The following WWOX variants were observed in gnomAD, a reference collection of about 807,000 sequenced individuals.
WWOX encodes the protein WW domain-containing oxidoreductase.
Under a neutral mutation model 46.2 loss-of-function variants are expected in WWOX, and 69 were observed. That is an observed-to-expected ratio of 1.49 (90% CI 1.23 to 1.82). The LOEUF is 1.82. WWOX is among the 40% of genes most tolerant of loss of function. WWOX has a pLI of 0.00. For missense variants in WWOX, 919 were observed against 542.6 expected (o/e 1.69, Z -6.89); for synonymous variants, 359 against 202.6 (o/e 1.77, Z -6.56).
chr16:78,569,531 T>C (rs1390543045), intron 8 of WWOX, among the ~76,000 whole-genome samples: 1 of 152,224 alleles, frequency 6.6e-6, no homozygotes, highest in East Asian at 1.9e-4. Flanking sequence ...TTTTTGTACA[T>C]ATATGATTAT....
chr16:79,056,510 G>C lies in WWOX; in HGVS notation c.1057-155098G>C, dbSNP rs77683318. Among the ~76,000 whole-genome samples, 658 of 152,294 alleles carry C rather than the reference G, an allele frequency of 4.3e-3. 4 individuals are homozygous for C. The highest frequency in any genetic ancestry group is 0.015 in the African/African-American group (632 of 41,550). On this transcript the variant is annotated intron_variant, in intron 8 of 8. Coordinates refer to ENST00000566780, the MANE Select transcript of WWOX (RefSeq NM_016373.4). ...AGCTTATTCATTTAACTTGAGTACAGGGTTTCTCAAGCTTTGGCACTGCCA... is the reference window on the plus strand; with the variant it reads ...AGCTTATTCATTTAACTTGAGTACACGGTTTCTCAAGCTTTGGCACTGCCA...
At chr16:78,555,585 C>CA (rs1555562586) in intron 8 of WWOX, among the ~76,000 whole-genome samples, 3 of 141,018 alleles carry the variant, frequency 2.1e-5, no homozygotes, top group Non-Finnish European at 4.6e-5. Flanking sequence ...AGGAGTGCCA[C>CA]TTTTTTTTTT....
At chr16:78,949,846 C>G (rs781556699) in intron 8 of WWOX, among the ~76,000 whole-genome samples, 8 of 152,216 alleles carry the variant, frequency 5.3e-5, no homozygotes, top group Admixed American at 2.0e-4. Context: ...ACATGTCACT[C>G]CACATCTTTG....
At chr16:78,641,221 A>C (rs574064212) in intron 8 of WWOX, among the ~76,000 whole-genome samples, 6 of 152,046 alleles carry the variant, frequency 3.9e-5, no homozygotes, top group African/African-American at 9.7e-5. Flanking sequence ...TTCAGGTCTA[A>C]GTTTCCCCCA....
At chr16:78,702,019 A>G (rs528443818) in intron 8 of WWOX, among the ~76,000 whole-genome samples, 7 of 117,150 alleles carry the variant, frequency 6.0e-5, no homozygotes, top group African/African-American at 2.8e-4. Flanking sequence ...ATATATATAT[A>G]TATATATATA....
intron 8 of WWOX, chr16:78,896,095 T>A (rs2044694408): frequency 6.6e-6 from 1 of 152,208 alleles, no homozygotes; most frequent in African/African-American, 2.4e-5. Flanking sequence ...ATGCAGGCAA[T>A]TGATCTTTAA....
chr16:79,081,466 A>T (rs2048759209), intron 8 of WWOX, among the ~76,000 whole-genome samples: 1 of 152,298 alleles, frequency 6.6e-6, no homozygotes, highest in African/African-American at 2.4e-5. Context: ...ATCCTCATTA[A>T]GCCATCTGCT....
intron 8 of WWOX, among the ~76,000 whole-genome samples, chr16:78,864,341 A>G (rs1005230262): frequency 6.6e-6 from 1 of 151,024 alleles, no homozygotes; most frequent in Non-Finnish European, 1.5e-5. Flanking sequence ...GTCATGGTTC[A>G]CTGCAGCCTC....
intron 8 of WWOX, among the ~76,000 whole-genome samples, chr16:78,716,432 G>T (rs2048562548): frequency 6.6e-6 from 1 of 152,082 alleles, no homozygotes; most frequent in Non-Finnish European, 1.5e-5. Flanking sequence ...CAACCCTAGG[G>T]ATGAATGCTC....
chr16:78,820,437 A>G (rs2051462895), intron 8 of WWOX, among the ~76,000 whole-genome samples: 1 of 152,138 alleles, frequency 6.6e-6, no homozygotes, highest in Admixed American at 6.5e-5. Flanking sequence ...TCATTTTCCC[A>G]TCCTTAAATA....
chr16:78,475,914 G>A (rs1228777417), intron 8 of WWOX, among the ~76,000 whole-genome samples: 1 of 152,144 alleles, frequency 6.6e-6, no homozygotes, highest in African/African-American at 2.4e-5. Flanking sequence ...TGGACAAAGA[G>A]GTATTAAAGA....
intron 8 of WWOX, among the ~76,000 whole-genome samples, chr16:78,531,511 T>G (rs1400958284): frequency 6.6e-6 from 1 of 152,162 alleles, no homozygotes; most frequent in Non-Finnish European, 1.5e-5. Context: ...TTCTTTTAGT[T>G]TCTCTTACAT....
intron 8 of WWOX, among the ~76,000 whole-genome samples, chr16:78,931,663 A>G (rs1224322861): frequency 2.6e-5 from 4 of 152,246 alleles, no homozygotes; most frequent in African/African-American, 4.8e-5. Context: ...GGAGTCATCT[A>G]CAGATCTGCC....
intron 6 of WWOX, among the ~76,000 whole-genome samples, chr16:78,400,412 A>C (rs2082384440): frequency 6.6e-6 from 1 of 152,150 alleles, no homozygotes; most frequent in Non-Finnish European, 1.5e-5. Flanking sequence ...TGGCTGTGTG[A>C]GGAATCAGCT....
intron 5 of WWOX, among the ~76,000 whole-genome samples, chr16:78,203,559 C>T (rs2036298620): frequency 6.6e-6 from 1 of 152,048 alleles, no homozygotes; most frequent in East Asian, 1.9e-4. Context: ...TATAATTAGG[C>T]AAACTTGTTT....
intron 8 of WWOX, among the ~76,000 whole-genome samples, chr16:79,047,966 G>T (rs142234111): frequency 3.9e-5 from 6 of 152,162 alleles, no homozygotes; most frequent in South Asian, 2.1e-4. Flanking sequence ...AGGAGTTGCA[G>T]GAAGGAGAAT....
chr16:78,643,934 A>T (rs776786865), intron 8 of WWOX, among the ~76,000 whole-genome samples: 3 of 152,158 alleles, frequency 2.0e-5, no homozygotes, highest in Admixed American at 6.5e-5. Context: ...CAAACAACAA[A>T]AAACACAGCT....
intron 8 of WWOX, among the ~76,000 whole-genome samples, chr16:78,576,592 G>A (rs991823162): frequency 2.6e-5 from 4 of 152,142 alleles, no homozygotes; most frequent in African/African-American, 9.7e-5. Flanking sequence ...TAGCACATTG[G>A]ATGGCCCAGG....
chr16:78,635,015 G>C (rs528716646), intron 8 of WWOX, among the ~76,000 whole-genome samples: 1 of 152,168 alleles, frequency 6.6e-6, no homozygotes, highest in Admixed American at 6.5e-5. Context: ...CTTTCGTTTG[G>C]GATTCCTCAT....
Sources: allele counts gnomAD v4.1 joint callset (sites outside exome capture counted in the v4.1 genomes callset), GRCh38; gene constraint gnomAD v4.1.1; transcripts MANE v1.5; gene names NCBI Gene and HGNC (gene_info 2026-07-23, HGNC 2026-07-21).